The following ADAMTS14 variants were observed in gnomAD, a reference collection of about 807,000 sequenced individuals.
ADAMTS14 encodes the protein ADAM metallopeptidase with thrombospondin type 1 motif 14.
ADAMTS14 carries 100 observed loss-of-function variants against 128.6 expected under a neutral mutation model. The ratio of observed to expected loss-of-function variants is 0.78; its 90% confidence interval spans 0.66 to 0.92. The LOEUF is 0.92. ADAMTS14 is among the 40% of genes least tolerant of loss of function. The pLI is 0.00. For missense variants in ADAMTS14, 1,562 were observed against 1,658.6 expected, an observed-to-expected ratio of 0.94 and a Z score of 1.01; for synonymous variants, 665 against 653.8, an observed-to-expected ratio of 1.02 and a Z score of -0.26.
At chr10:70,684,062 G>C (rs1839888402) in intron 2 of ADAMTS14, among the ~76,000 whole-genome samples, 1 of 152,010 alleles carries the variant, frequency 6.6e-6, no homozygotes, top group Non-Finnish European at 1.5e-5. Flanking sequence ...TTCCACTACT[G>C]GGGAGGCCTG....
intron 15 of ADAMTS14, among the ~76,000 whole-genome samples, chr10:70,747,031 T>C (rs1174949373): frequency 6.6e-6 from 1 of 152,146 alleles, no homozygotes; most frequent in Non-Finnish European, 1.5e-5. Flanking sequence ...AACACATATC[T>C]CTTGGCAGGC....
At chr10:70,731,427 A>T (rs1353481698) in intron 6 of ADAMTS14, among the ~76,000 whole-genome samples, 2 of 152,164 alleles carry the variant, frequency 1.3e-5, no homozygotes, top group Non-Finnish European at 2.9e-5. Context: ...CTCCTCTAAC[A>T]TGAAGGAATA....
intron 2 of ADAMTS14, among the ~76,000 whole-genome samples, chr10:70,679,558 T>A (rs1437991106): frequency 1.3e-5 from 2 of 152,178 alleles, no homozygotes; most frequent in Non-Finnish European, 2.9e-5. Context: ...ATGCTCACTG[T>A]GCCCATCTAG....
intron 4 of ADAMTS14, among the ~76,000 whole-genome samples, chr10:70,720,317 G>A (rs578192854): frequency 2.6e-5 from 4 of 152,292 alleles, no homozygotes; most frequent in African/African-American, 7.2e-5. Context: ...GAAAGAAGTC[G>A]GGAGACTCAG....
chr10:70,673,903 CT>C (rs1422394161), intron 1 of ADAMTS14, among the ~76,000 whole-genome samples: 4 of 152,206 alleles, frequency 2.6e-5, no homozygotes, highest in Non-Finnish European at 5.9e-5. Context: ...AGGTCACCCC[CT>C]GTATATCCTT....
At chr10:70,747,269 A>G (rs1304457947) in intron 15 of ADAMTS14, among the ~76,000 whole-genome samples, 2 of 152,100 alleles carry the variant, frequency 1.3e-5, no homozygotes, top group Admixed American at 6.5e-5. Context: ...CTGAAACCCA[A>G]AGTGGATTGG....
At chr10:70,755,104 G>A (rs1028924430) in intron 19 of ADAMTS14, among the ~76,000 whole-genome samples, 50 of 152,060 alleles carry the variant, frequency 3.3e-4, no homozygotes, top group Non-Finnish European at 6.3e-4. Context: ...CCAGGAATTC[G>A]AGACCAGCCT....
intron 4 of ADAMTS14, among the ~76,000 whole-genome samples, chr10:70,715,589 A>G (rs1403923930): frequency 1.3e-5 from 2 of 152,034 alleles, no homozygotes; most frequent in African/African-American, 4.8e-5. Context: ...TGAGGTGGAG[A>G]GCTGAAGGCA....
intron 4 of ADAMTS14, among the ~76,000 whole-genome samples, chr10:70,720,107 G>A (rs539680461): frequency 2.6e-5 from 4 of 152,376 alleles, no homozygotes; most frequent in South Asian, 4.1e-4. Context: ...GGTGGGCTGA[G>A]CAGCTGGATC....
intron 2 of ADAMTS14, among the ~76,000 whole-genome samples, chr10:70,677,457 G>T (rs1839679997): frequency 6.6e-6 from 1 of 152,198 alleles, no homozygotes; most frequent in Non-Finnish European, 1.5e-5. Flanking sequence ...AATCGATTCT[G>T]TGTGGCATTT....
At chr10:70,706,651 C>A (rs1229906813) in intron 3 of ADAMTS14, among the ~76,000 whole-genome samples, 1 of 152,222 alleles carries the variant, frequency 6.6e-6, no homozygotes, top group Non-Finnish European at 1.5e-5. Context: ...CTGAGCCCTG[C>A]TCACCAGGCT....
chr10:70,672,944 G>T, intron 1 of ADAMTS14, 60 bp downstream of exon 1: 1 of 1,374,308 alleles, frequency 7.3e-7, no homozygotes, highest in Non-Finnish European at 9.3e-7. Flanking sequence ...GGTCAGGGTG[G>T]CCCAAGGTTG....
chr10:70,711,730 A>G (rs573345383), intron 4 of ADAMTS14, among the ~76,000 whole-genome samples: 5 of 151,984 alleles, frequency 3.3e-5, no homozygotes, highest in African/African-American at 1.2e-4. Flanking sequence ...TAGGAACCCC[A>G]ACAGCACACA....
At chr10:70,735,093 A>T in intron 8 of ADAMTS14, 76 bp from the exon 9 acceptor site, 1 of 1,534,314 alleles carries the variant, frequency 6.5e-7, no homozygotes, top group Non-Finnish European at 8.8e-7. Flanking sequence ...GCTCATGAAA[A>T]CCCCAGCCCC....
At chr10:70,693,798 G>A (rs188272947) in intron 2 of ADAMTS14, among the ~76,000 whole-genome samples, 6 of 152,316 alleles carry the variant, frequency 3.9e-5, no homozygotes, top group Admixed American at 2.6e-4. Context: ...CATGACCTTG[G>A]GAACTGTGGC....
At chr10:70,739,231 C>T (rs552887809) in intron 11 of ADAMTS14, among the ~76,000 whole-genome samples, 28 of 152,208 alleles carry the variant, frequency 1.8e-4, no homozygotes, top group Admixed American at 5.9e-4. Context: ...CAAGCTCATG[C>T]GCAGAAGATT....
chr10:70,683,003 C>T (rs1191156808), intron 2 of ADAMTS14, among the ~76,000 whole-genome samples: 1 of 152,226 alleles, frequency 6.6e-6, no homozygotes, highest in African/African-American at 2.4e-5. Flanking sequence ...CAGCATTTGT[C>T]GTCCTCTCCG....
intron 18 of ADAMTS14, 29 bp from the exon 19 acceptor site, chr10:70,753,771 C>T: frequency 6.6e-7 from 1 of 1,526,086 alleles, no homozygotes. Context: ...CCCTTGGTCT[C>T]ACCTCCTCTC....
chr10:70,754,488 G>A (rs1842433256), intron 19 of ADAMTS14, among the ~76,000 whole-genome samples: 1 of 152,174 alleles, frequency 6.6e-6, no homozygotes, highest in Non-Finnish European at 1.5e-5. Flanking sequence ...TCGATGTGGT[G>A]GAGGATGGAG....
Sources: allele counts gnomAD v4.1 joint callset (sites outside exome capture counted in the v4.1 genomes callset), GRCh38; gene constraint gnomAD v4.1.1; transcripts MANE v1.5; gene names NCBI Gene and HGNC (gene_info 2026-07-23, HGNC 2026-07-21).